Variants in ABCA13 observed in about 807,000 individuals in gnomAD.
ABCA13 encodes the protein ATP binding cassette subfamily A member 13.
In ABCA13, 476 loss-of-function variants were observed where a neutral mutation model predicts 478.7. That is an observed-to-expected ratio of 0.99 (90% confidence interval 0.92 to 1.07). The LOEUF (loss-of-function observed/expected upper bound fraction) is 1.07, where lower values mean the gene tolerates loss of function less well. Among genes scored for constraint, ABCA13 ranks in the 50% least tolerant of loss-of-function variants. The pLI is 0.00. For missense variants in ABCA13, 6,060 were observed against 5,910.6 expected (o/e 1.03, Z -0.83); for synonymous variants, 2,252 against 2,158.9 (o/e 1.04, Z -1.20).
intron 58 of ABCA13, among the ~76,000 whole-genome samples, chr7:48,598,337 C>A (rs1378722337): frequency 6.6e-6 from 1 of 152,188 alleles, no homozygotes; most frequent in African/African-American, 2.4e-5. Context: ...ATCCGCTGAA[C>A]CACATCTTGG....
At chr7:48,271,481 T>G (rs1795596954) in intron 16 of ABCA13, among the ~76,000 whole-genome samples, 1 of 152,190 alleles carries the variant, frequency 6.6e-6, no homozygotes, top group African/African-American at 2.4e-5. Flanking sequence ...AAGATTCTTC[T>G]GGCATAAATA....
chr7:48,300,525 C>T (rs772176147), intron 23 of ABCA13, among the ~76,000 whole-genome samples: 1 of 152,144 alleles, frequency 6.6e-6, no homozygotes, highest in Non-Finnish European at 1.5e-5. Context: ...CTCCCTGAAT[C>T]GGTGAAGATG....
At chr7:48,361,330 C>A (rs1350644910) in intron 31 of ABCA13, among the ~76,000 whole-genome samples, 1 of 151,400 alleles carries the variant, frequency 6.6e-6, no homozygotes, top group Non-Finnish European at 1.5e-5. Context: ...AAACAATTTT[C>A]TTCTCTCCCT....
intron 58 of ABCA13, among the ~76,000 whole-genome samples, chr7:48,597,918 T>C (rs1334865636): frequency 6.6e-6 from 1 of 152,186 alleles, no homozygotes; most frequent in African/African-American, 2.4e-5. Context: ...GAGTGATACA[T>C]TTATTAAAAT....
At chr7:48,311,480 A>G (rs1801766528) in intron 24 of ABCA13, among the ~76,000 whole-genome samples, 1 of 152,176 alleles carries the variant, frequency 6.6e-6, no homozygotes, top group Admixed American at 6.5e-5. Context: ...GCCTTTTGGG[A>G]AACAGAGCTC....
intron 20 of ABCA13, among the ~76,000 whole-genome samples, chr7:48,289,476 AG>A (rs1798213972): frequency 6.6e-6 from 1 of 151,034 alleles, no homozygotes; most frequent in Non-Finnish European, 1.5e-5. Flanking sequence ...CTTCTGCCTC[AG>A]CCTCTTGAGT....
At chr7:48,429,753 A>G (rs1821887018) in intron 42 of ABCA13, among the ~76,000 whole-genome samples, 2 of 152,152 alleles carry the variant, frequency 1.3e-5, no homozygotes, top group Non-Finnish European at 2.9e-5. Context: ...TTAATTGTGG[A>G]GTGTTTTTAA....
In ABCA13 at chr7:48,239,240, G is replaced by T; in HGVS notation, c.898-1G>T. 1.2e-6 allele frequency: 2 copies of T among 1,613,872 alleles called. No individual in the cohort carries two copies. The highest frequency in any genetic ancestry group is 1.7e-6 in the Non-Finnish European group (2 of 1,179,808). ...TAAATATTTTTTCATATTGTTGTCA[G>T]ATTCCCACAGACACTTCCTTGGAGA... On this transcript the variant is annotated splice_acceptor_variant, in intron 8 of 61. Coordinates refer to ENST00000435803, the MANE Select transcript of ABCA13 (RefSeq NM_152701.5). LOFTEE classifies it high-confidence loss of function.
Position 48,272,606 on chromosome 7 carries a change from T to G in ABCA13, c.2940T>G (p.Ser980Arg). ...RYIYELLNIQ[S>R]RGSSLTFLTQ... ...TTTATGAATTATTGAATATTCAGAG[T>G]AGAGGCTCTTCGTTGACTTTCCTTA... is the stretch of plus-strand genomic sequence containing the variant. Residue 980 changes from serine (S) to arginine (R), a missense_variant, in exon 17 of 62, where the codon AGT (serine) becomes AGG (arginine). By Grantham distance (110) the Ser-to-Arg change is moderately radical. Around this residue, in one of 3 missense-constraint regions of ABCA13, gnomAD observed 4,423 missense variants for 4,309.1 expected, o/e 1.03. Transcript: ENST00000435803. 6.2e-7 allele frequency: 1 copy of G among 1,613,154 alleles called. No homozygotes were observed. The highest frequency in any genetic ancestry group is 1.7e-5 in the Admixed American group (1 of 59,982).
chr7:48,244,779 A>G, intron 11 of ABCA13, 76 bp downstream of exon 11: 1 of 1,486,492 alleles, frequency 6.7e-7, no homozygotes. Context: ...TGGACTTGAA[A>G]CTGCCTGACA....
In ABCA13 at chr7:48,645,544, C is replaced by G. The variant is rs370857811; in HGVS notation, c.*32C>G. On this transcript the variant is annotated 3_prime_UTR_variant, in exon 62 of 62. Transcript: ENST00000435803. ...AAGAAGTTTCCATAAGGAATAAAACCTTGTCTTCCATTACAATTAACAGTC... is the reference window on the plus strand; with the variant it reads ...AAGAAGTTTCCATAAGGAATAAAACGTTGTCTTCCATTACAATTAACAGTC... The G allele has an allele frequency of 6.6e-7, 1 of 1,513,086 alleles. No homozygotes were observed. The highest frequency in any genetic ancestry group is 1.2e-5 in the South Asian group (1 of 82,388). The allele number at this position is 1,513,086 out of a possible 1,614,324, so 93.7% of individuals were successfully genotyped here.
At chr7:48,383,619 C>A (rs1263667591) in intron 35 of ABCA13, among the ~76,000 whole-genome samples, 1 of 152,116 alleles carries the variant, frequency 6.6e-6, no homozygotes, top group Non-Finnish European at 1.5e-5. Flanking sequence ...CTTTTCTCCC[C>A]TATGGTTCTG....
chr7:48,450,848 A>G (rs1563278054), intron 42 of ABCA13, among the ~76,000 whole-genome samples: 1 of 152,098 alleles, frequency 6.6e-6, no homozygotes, highest in Non-Finnish European at 1.5e-5. Context: ...AACATTCTCT[A>G]TGAGTATTTA....
intron 45 of ABCA13, among the ~76,000 whole-genome samples, chr7:48,478,613 G>A (rs934205281): frequency 3.3e-5 from 5 of 152,006 alleles, no homozygotes; most frequent in East Asian, 1.9e-4. Context: ...GGGAGAAGAC[G>A]CATTCTGTAC....
At chr7:48,246,139 G>A (rs1791639203) in intron 13 of ABCA13, 109 bp downstream of exon 13, 1 of 1,226,380 alleles carries the variant, frequency 8.2e-7, no homozygotes. Context: ...TTTGCCGTAA[G>A]CCCACACACT....
In ABCA13 at chr7:48,352,389, G is replaced by A; in HGVS notation, c.10590G>A (p.Met3530Ile). 1 of 1,613,552 alleles carries A rather than the reference G, an allele frequency of 6.2e-7. No individual in the cohort carries two copies. The highest frequency in any genetic ancestry group is 1.7e-5 in the Admixed American group (1 of 59,998). The part of the protein sequence containing the change: ...YNYVFAPLQD[M>I]IERAIILVQT... ...ACGTCTTTGCCCCACTGCAAGACAT[G>A]ATCGAAAGAGCCATCATTTTGGTGC... is the stretch of plus-strand genomic sequence containing the variant. Residue 3530 changes from methionine (M) to isoleucine (I), a missense_variant, in exon 31 of 62, where the codon ATG becomes ATA. Around this residue, in one of 3 missense-constraint regions of ABCA13, gnomAD observed 4,423 missense variants for 4,309.1 expected, o/e 1.03. Transcript: ENST00000435803.
intron 51 of ABCA13, 151 bp from the exon 52 acceptor site, chr7:48,516,574 G>GT (rs1832129809): frequency 1.4e-6 from 1 of 720,516 alleles, no homozygotes; most frequent in Non-Finnish European, 2.3e-6. Flanking sequence ...ATCATAGGTT[G>GT]TATGTATGGG....
At chr7:48,430,198 A>C (rs1462367420) in intron 42 of ABCA13, among the ~76,000 whole-genome samples, 1 of 152,088 alleles carries the variant, frequency 6.6e-6, no homozygotes, top group East Asian at 1.9e-4. Flanking sequence ...TTTAATTATG[A>C]TTAATTCAAA....
chr7:48,626,987 A>ATC (rs1793725583), intron 59 of ABCA13: 6 of 985,446 alleles, frequency 6.1e-6, no homozygotes, highest in Non-Finnish European at 7.2e-6. Flanking sequence ...AGCTGAACTC[A>ATC]TCACAACTTT....
Sources: allele counts gnomAD v4.1 joint callset (sites outside exome capture counted in the v4.1 genomes callset), GRCh38; gene constraint gnomAD v4.1.1; regional missense constraint gnomAD v4.1.1; transcripts MANE v1.5; gene names NCBI Gene and HGNC (gene_info 2026-07-23, HGNC 2026-07-21).